Variants in ATP6V1B2 observed in about 807,000 individuals in gnomAD.
ATP6V1B2 encodes the protein V-type proton ATPase subunit B, brain isoform.
In ATP6V1B2, 23 loss-of-function variants were observed where a neutral mutation model predicts 66.7. The observed-to-expected ratio is 0.34, with a 90% CI of 0.25 to 0.49. ATP6V1B2 has a LOEUF of 0.49. Among genes scored for constraint, ATP6V1B2 ranks in the 20% least tolerant of loss-of-function variants. The probability of loss-of-function intolerance (pLI) is 0.99; values close to 1 mark genes in which losing one functional copy is unlikely to be tolerated. For synonymous variants in ATP6V1B2, 278 were observed against 236.7 expected (o/e 1.17, Z -1.60); for missense variants, 478 against 650.8 (o/e 0.73, Z 2.89).
rs140226753 is a variant in ATP6V1B2 at position 20,211,035 on chromosome 8, AT to A, written c.464-134del. On this transcript the variant is annotated intron_variant, in intron 5 of 13. Transcript: ENST00000276390. Reference sequence around the variant, plus strand: ...AAGTTTCATATTTGAAAAATAACTGATTTTTTTTGTAGTAAAGAGATGCTTT... The same window carrying A: ...AAGTTTCATATTTGAAAAATAACTGATTTTTTTGTAGTAAAGAGATGCTTT... The A allele has an allele frequency of 4.6e-3, 5,121 of 1,112,038 alleles. 192 individuals are homozygous for A. The African/African-American group carries it at 0.077, about 17-fold the overall frequency. The allele number at this position is 1,112,038 out of a possible 1,614,324, so 68.9% of individuals were successfully genotyped here. A position where few individuals can be genotyped will look rare whatever the true frequency, so the allele number is the denominator to read the frequency against.
intron 9 of ATP6V1B2, chr8:20,213,385 A>T (rs2072814580): frequency 5.7e-6 from 1 of 174,498 alleles, no homozygotes; most frequent in African/African-American, 2.4e-5. Flanking sequence ...ACGGTAGCTC[A>T]TTCCTGTAAT....
At chr8:20,204,938 A>G (rs1313559071) in intron 2 of ATP6V1B2, among the ~76,000 whole-genome samples, 2 of 152,186 alleles carry the variant, frequency 1.3e-5, no homozygotes. Flanking sequence ...GGCAAAGTGC[A>G]TTGCCTCTTC....
At chr8:20,207,943 A>G (rs1174298014) in intron 2 of ATP6V1B2, among the ~76,000 whole-genome samples, 1 of 152,250 alleles carries the variant, frequency 6.6e-6, no homozygotes, top group Admixed American at 6.5e-5. Context: ...TGAATGAATA[A>G]TTGACAATGA....
Position 20,218,263 on chromosome 8 carries a change from G to A in ATP6V1B2, c.1377G>A (p.Glu459=), listed in dbSNP as rs2072874301. 1 of 1,613,196 alleles carries A rather than the reference G, an allele frequency of 6.2e-7. No homozygotes were observed. Among genetic ancestry groups the A allele is most frequent in the African/African-American group, 1.3e-5 (1 of 74,868 alleles). Reference sequence around the variant, plus strand: ...ACTTGGAATTTCTGCAGAAGTTTGAGAGGAACTTCATTGCTCAGGGTAAGA... The same window carrying A: ...ACTTGGAATTTCTGCAGAAGTTTGAAAGGAACTTCATTGCTCAGGGTAAGA... ...LLYLEFLQKF[E]RNFIAQGPYE... is the part of the protein sequence containing the mutation. The change falls in exon 13 of 14, where the codon GAG becomes GAA. Residue 459 remains glutamate (E), a synonymous_variant. Coordinates refer to ENST00000276390, the MANE Select transcript of ATP6V1B2 (RefSeq NM_001693.4).
intron 1 of ATP6V1B2, among the ~76,000 whole-genome samples, chr8:20,199,766 A>G (rs1486982752): frequency 6.6e-6 from 1 of 151,974 alleles, no homozygotes; most frequent in Non-Finnish European, 1.5e-5. Context: ...GCACGCCGCC[A>G]TGCCCGGCTA....
At chr8:20,212,335 T>C (rs2072803646) in intron 8 of ATP6V1B2, 136 bp downstream of exon 8, 11 of 791,416 alleles carry the variant, frequency 1.4e-5, no homozygotes, top group Non-Finnish European at 2.0e-5. Flanking sequence ...AGTCCAGCCC[T>C]GCTTCTTGGT....
chr8:20,211,601 G>C, intron 6 of ATP6V1B2, 51 bp from the exon 7 acceptor site: 1 of 1,536,424 alleles, frequency 6.5e-7, no homozygotes, highest in Non-Finnish European at 8.8e-7. Flanking sequence ...TTATTTTGTT[G>C]TAGAAATGTT....
rs1399627973 is a variant in ATP6V1B2, at chr8:20,211,304, A to G, written c.591A>G (p.Leu197=). The G allele has an allele frequency of 1.9e-6, 3 of 1,612,892 alleles. No homozygotes were observed. Among genetic ancestry groups the G allele is most frequent in the African/African-American group, 2.7e-5 (2 of 74,874 alleles). ...QKIPIFSAAG[L]PHNEIAAQIC... ...TTCCTATCTTCTCTGCTGCTGGGCTACCACACAATGAGGTGAGGACTGGGA... is the reference window on the plus strand; with the variant it reads ...TTCCTATCTTCTCTGCTGCTGGGCTGCCACACAATGAGGTGAGGACTGGGA... The change falls in exon 6 of 14, where the codon CTA becomes CTG. Residue 197 remains leucine, a synonymous_variant. Transcript: ENST00000276390.
At chr8:20,216,635 A>G (rs1003193890) in intron 11 of ATP6V1B2, 140 bp downstream of exon 11, 1 of 701,608 alleles carries the variant, frequency 1.4e-6, no homozygotes. Context: ...TAAAATTGTC[A>G]TTTCTATTAT....
At chr8:20,212,459 C>T (rs1228663145) in intron 8 of ATP6V1B2, among the ~76,000 whole-genome samples, 2 of 152,160 alleles carry the variant, frequency 1.3e-5, no homozygotes, top group African/African-American at 4.8e-5. Flanking sequence ...TTATAAATTA[C>T]CTAATACACA....
At position 20,220,592 on chromosome 8, in the gene ATP6V1B2, C is replaced by A. The variant is rs916330579; in HGVS notation, c.*190C>A. On this transcript the variant is annotated 3_prime_UTR_variant, in exon 14 of 14. Coordinates refer to ENST00000276390, the MANE Select transcript of ATP6V1B2 (RefSeq NM_001693.4). The stretch of plus-strand genomic sequence containing the variant: ...CTGCTAACAGACCTTAAAATATCCC[C>A]CTACCTGGGTCCTCAGTGCTATGTT... 2 of 790,246 alleles carry A rather than the reference C, an allele frequency of 2.5e-6. No individual in the cohort carries two copies. The highest frequency in any genetic ancestry group is 3.6e-6 in the Non-Finnish European group (2 of 549,190). 49.0% of individuals were successfully genotyped at this position (790,246 alleles called of 1,614,324 possible).
At chr8:20,201,853 G>C (rs2072690906) in intron 1 of ATP6V1B2, among the ~76,000 whole-genome samples, 1 of 152,170 alleles carries the variant, frequency 6.6e-6, no homozygotes, top group Non-Finnish European at 1.5e-5. Flanking sequence ...CATCTGGTGA[G>C]AGCCTTCTTT....
At position 20,220,569 on chromosome 8, in the gene ATP6V1B2, G is replaced by A. The variant is rs1438917333; in HGVS notation, c.*167G>A. ...TGCCAGTGTTGCAACGTTTTAAACTGCTAACAGACCTTAAAATATCCCCCT... is the reference window on the plus strand; with the variant it reads ...TGCCAGTGTTGCAACGTTTTAAACTACTAACAGACCTTAAAATATCCCCCT... On this transcript the variant is annotated 3_prime_UTR_variant, in exon 14 of 14. Coordinates refer to ENST00000276390, the MANE Select transcript of ATP6V1B2 (RefSeq NM_001693.4). The A allele has an allele frequency of 1.1e-5, 11 of 975,692 alleles. No individual in the cohort carries two copies. The highest frequency in any genetic ancestry group is 1.5e-5 in the Non-Finnish European group (11 of 713,290). 60.4% of individuals were successfully genotyped at this position (975,692 alleles called of 1,614,324 possible).
chr8:20,214,550 T>C (rs1469763863), intron 9 of ATP6V1B2: 1 of 262,106 alleles, frequency 3.8e-6, no homozygotes, highest in Non-Finnish European at 7.1e-6. Context: ...TGCAAACAGA[T>C]TTTCTTCTAG....
At chr8:20,206,797 C>T (rs1217810277) in intron 2 of ATP6V1B2, among the ~76,000 whole-genome samples, 4 of 152,168 alleles carry the variant, frequency 2.6e-5, no homozygotes, top group African/African-American at 9.7e-5. Flanking sequence ...AGTACCGCTA[C>T]TCTGTCAGGA....
In ATP6V1B2 at chr8:20,221,089, C is replaced by G. The variant is rs1167428752; in HGVS notation, c.*687C>G. 1 of 152,140 alleles carries G rather than the reference C, an allele frequency of 6.6e-6. No individual in the cohort carries two copies. The highest frequency in any genetic ancestry group is 2.4e-5 in the African/African-American group (1 of 41,444). 9.4% of individuals were successfully genotyped at this position (152,140 alleles called of 1,614,324 possible). On this transcript the variant is annotated 3_prime_UTR_variant, in exon 14 of 14. Transcript: ENST00000276390. ...TGGTATCTGTCTGGTAGCAGTGAGA[C>G]CCCTTGTCTTGGTGATCCTTACTGG... is the stretch of plus-strand genomic sequence containing the variant.
Position 20,212,712 on chromosome 8 carries a change from A to G in ATP6V1B2, c.804-70A>G, listed in dbSNP as rs563680121. On this transcript the variant is annotated intron_variant, in intron 8 of 13. Transcript: ENST00000276390. ...GGGGAATTGTACTGTTATTTCCAGA[A>G]TCATTTCTTTTTGTGTTTTCTTTTT... The G allele has an allele frequency of 5.1e-6, 8 of 1,574,620 alleles. No homozygotes were observed. The South Asian group carries it at 9.4e-5, about 18-fold the overall frequency.
At chr8:20,212,673 T>C in intron 8 of ATP6V1B2, 109 bp from the exon 9 acceptor site, 1 of 1,462,426 alleles carries the variant, frequency 6.8e-7, no homozygotes. Flanking sequence ...CTCAATTCAT[T>C]TAAAACTTTA....
chr8:20,216,617 T>C (rs1303276437), intron 11 of ATP6V1B2, 122 bp downstream of exon 11: 3 of 842,040 alleles, frequency 3.6e-6, no homozygotes, highest in African/African-American at 3.4e-5. Flanking sequence ...TTGTTTTTAA[T>C]ATGGTTATAA....
Sources: allele counts gnomAD v4.1 joint callset (sites outside exome capture counted in the v4.1 genomes callset), GRCh38; gene constraint gnomAD v4.1.1; transcripts MANE v1.5; gene names NCBI Gene and HGNC (gene_info 2026-07-23, HGNC 2026-07-21).